SHC4: variants seen among roughly 807,000 people sequenced by gnomAD.
The protein encoded by SHC4 is SHC-transforming protein 4.
A neutral mutation model predicts 69.4 loss-of-function variants in SHC4; 41 were observed. The ratio of observed to expected loss-of-function variants is 0.59; its 90% CI spans 0.46 to 0.77. The LOEUF (loss-of-function observed/expected upper bound fraction) is 0.77. Among genes scored for constraint, SHC4 ranks in the 30% least tolerant of loss-of-function variants. SHC4 has a pLI of 0.00. For missense variants in SHC4, 777 were observed against 783.8 expected (o/e 0.99, Z 0.10); for synonymous variants, 318 against 299.3 (o/e 1.06, Z -0.64).
chr15:48,876,585 A>C (rs1899804749), intron 4 of SHC4: 2 of 698,524 alleles, frequency 2.9e-6, no homozygotes, highest in African/African-American at 3.5e-5. Flanking sequence ...TCTGCAGGCT[A>C]AGGAGAGAGG....
At position 48,940,069 on chromosome 15, in the gene SHC4, T is replaced by C. The variant is rs1372767281; in HGVS notation, c.586-15120A>G. Among the ~76,000 whole-genome samples, 4 of 152,164 alleles carry C rather than the reference T, an allele frequency of 2.6e-5. No individual in the cohort carries two copies. In the East Asian group the frequency reaches 7.7e-4, roughly 29 times the overall value. ...TGACAAGGTTGCTCTAGGTGTCTGCTAAGAACACCTTAAGCACAGGGCCCT... is the reference window on the plus strand; with the variant it reads ...TGACAAGGTTGCTCTAGGTGTCTGCCAAGAACACCTTAAGCACAGGGCCCT... On this transcript the variant is annotated intron_variant, in intron 1 of 11. Transcript: ENST00000332408.
At chr15:48,924,024 A>G (rs1226139879) in intron 2 of SHC4, among the ~76,000 whole-genome samples, 3 of 152,046 alleles carry the variant, frequency 2.0e-5, no homozygotes, top group African/African-American at 4.8e-5. Context: ...ACCACAGGAT[A>G]CTTCTTTTTC....
intron 2 of SHC4, among the ~76,000 whole-genome samples, chr15:48,917,674 C>T (rs1900653419): frequency 6.6e-6 from 1 of 152,166 alleles, no homozygotes; most frequent in African/African-American, 2.4e-5. Context: ...GTGGCTCCCC[C>T]AGGGACTAAA....
chr15:48,890,211 T>A (rs927816663), intron 3 of SHC4, among the ~76,000 whole-genome samples: 1 of 152,204 alleles, frequency 6.6e-6, no homozygotes, highest in Non-Finnish European at 1.5e-5. Context: ...TTAATCCGAG[T>A]CTGTCTAACA....
In SHC4 at chr15:48,919,295, A is replaced by ATTTTTTTTTTTTTTT. The variant is rs386382928; in HGVS notation, c.656+5569_656+5583dup. ...CTCACACTCTTAAAAATTTATTTTA[A>ATTTTTTTTTTTTTTT]TTTTTTTTTTTTTTTTTTTTGTAGA... On this transcript the variant is annotated intron_variant, in intron 2 of 11. Transcript: ENST00000332408. 4.2e-3 allele frequency among the ~76,000 whole-genome samples: 297 copies of ATTTTTTTTTTTTTTT among 71,232 alleles called. 35 individuals carry two copies. The highest frequency in any genetic ancestry group is 0.011 in the African/African-American group (211 of 19,162). The allele number at this position is 71,232 out of a possible 152,430, so 46.7% of individuals were successfully genotyped here.
At chr15:48,847,024 T>C (rs1899107106) in intron 9 of SHC4, among the ~76,000 whole-genome samples, 1 of 132,408 alleles carries the variant, frequency 7.6e-6, no homozygotes, top group African/African-American at 2.8e-5. Context: ...GCCATCCCCT[T>C]TTTTTTTTTC....
intron 10 of SHC4, among the ~76,000 whole-genome samples, chr15:48,836,776 G>A (rs978192835): frequency 6.6e-6 from 1 of 152,082 alleles, no homozygotes; most frequent in African/African-American, 2.4e-5. Flanking sequence ...CTGTTAATAC[G>A]TTATAGTTTT....
intron 4 of SHC4, chr15:48,878,608 T>G: frequency 6.2e-7 from 1 of 1,614,076 alleles, no homozygotes; most frequent in Non-Finnish European, 8.5e-7. Context: ...CAGCCCTGGA[T>G]GGCGGGTTTC....
intron 4 of SHC4, chr15:48,878,074 G>T: frequency 6.9e-7 from 1 of 1,440,176 alleles, no homozygotes; most frequent in East Asian, 2.3e-5. Flanking sequence ...GCCTGCGCGC[G>T]GGGTTACGCA....
At position 48,884,330 on chromosome 15, in the gene SHC4, CT is replaced by C; in HGVS notation, c.757del (p.Ser253ValfsTer8). The C allele has an allele frequency of 6.2e-7, 1 of 1,609,848 alleles. No individual in the cohort carries two copies. Among genetic ancestry groups the C allele is most frequent in the Non-Finnish European group, 8.5e-7 (1 of 1,178,474 alleles). On this transcript the variant is annotated frameshift_variant, in exon 4 of 12. Coordinates refer to ENST00000332408, the MANE Select transcript of SHC4 (RefSeq NM_203349.4). LOFTEE classifies it high-confidence loss of function. Reference sequence around the variant, plus strand: ...ATTCATTCCTGAAAACTGAAGATTACTTTTGCCAAGGACTGTTGATAGGAAC... The same window carrying C: ...ATTCATTCCTGAAAACTGAAGATTACTTTGCCAAGGACTGTTGATAGGAAC... ...VKFLSTVLGK[S>X]NLQFSGMNIK...
At chr15:48,882,729 A>AG (rs1485149242) in intron 4 of SHC4, among the ~76,000 whole-genome samples, 1 of 152,226 alleles carries the variant, frequency 6.6e-6, no homozygotes, top group Non-Finnish European at 1.5e-5. Context: ...AGATAACCCG[A>AG]GGGCTCCTTT....
intron 11 of SHC4, among the ~76,000 whole-genome samples, chr15:48,826,437 T>C (rs1364067940): frequency 6.6e-6 from 1 of 151,924 alleles, no homozygotes; most frequent in East Asian, 1.9e-4. Flanking sequence ...TTAGTAGAGA[T>C]GGCGTTTCAC....
intron 1 of SHC4, among the ~76,000 whole-genome samples, chr15:48,933,106 A>G (rs1454917094): frequency 6.6e-6 from 1 of 152,198 alleles, no homozygotes; most frequent in African/African-American, 2.4e-5. Flanking sequence ...TAGATATAAG[A>G]AAGTAGCTAG....
chr15:48,828,328 G>A (rs1405055999), intron 11 of SHC4, among the ~76,000 whole-genome samples: 1 of 152,030 alleles, frequency 6.6e-6, no homozygotes, highest in African/African-American at 2.4e-5. Flanking sequence ...CATAGGACAG[G>A]ATTTCCCTCT....
chr15:48,943,308 T>C (rs1901209579), intron 1 of SHC4, among the ~76,000 whole-genome samples: 1 of 152,178 alleles, frequency 6.6e-6, no homozygotes, highest in Non-Finnish European at 1.5e-5. Flanking sequence ...TGCCTCTATA[T>C]ATTCCACCTT....
intron 4 of SHC4, chr15:48,877,529 C>T: frequency 1.0e-6 from 1 of 984,130 alleles, no homozygotes; most frequent in Non-Finnish European, 1.2e-6. Context: ...CATAAAGATA[C>T]ATGTAAATGC....
Position 48,883,197 on chromosome 15 carries a change from G to A in SHC4, c.840+1051C>T, listed in dbSNP as rs148816333. ...GAGAATATTTGAGTAAATAATAATAGGTATCATGTGACTGGCACATGCTAT... is the reference window on the plus strand; with the variant it reads ...GAGAATATTTGAGTAAATAATAATAAGTATCATGTGACTGGCACATGCTAT... On this transcript the variant is annotated intron_variant, in intron 4 of 11. Coordinates refer to ENST00000332408, the MANE Select transcript of SHC4 (RefSeq NM_203349.4). Among the ~76,000 whole-genome samples the A allele has an allele frequency of 3.0e-3, 456 of 152,074 alleles. 4 individuals carry two copies. Among genetic ancestry groups the A allele is most frequent in the African/African-American group, 0.01 (434 of 41,484 alleles).
intron 7 of SHC4, 56 bp from the exon 8 acceptor site, chr15:48,856,180 G>C: frequency 1.3e-6 from 2 of 1,501,454 alleles, no homozygotes; most frequent in Non-Finnish European, 1.8e-6. Context: ...ATACTGTAAG[G>C]GATGCAAGGG....
intron 2 of SHC4, among the ~76,000 whole-genome samples, chr15:48,918,200 C>T (rs760028008): frequency 7.9e-5 from 12 of 152,156 alleles, no homozygotes; most frequent in Admixed American, 6.5e-5. Context: ...ACAAAAGATC[C>T]CGTCCACCAC....
Sources: allele counts gnomAD v4.1 joint callset (sites outside exome capture counted in the v4.1 genomes callset), GRCh38; gene constraint gnomAD v4.1.1; transcripts MANE v1.5; gene names NCBI Gene and HGNC (gene_info 2026-07-23, HGNC 2026-07-21).